Variants in ARMC2 observed in about 807,000 individuals in gnomAD.
The protein encoded by ARMC2 is armadillo repeat-containing protein 2.
In ARMC2, 67 loss-of-function variants were observed where a neutral mutation model predicts 90.3. The observed-to-expected ratio is 0.74, with a 90% CI of 0.61 to 0.91. The LOEUF (loss-of-function observed/expected upper bound fraction) is 0.91. Ranked by LOEUF, ARMC2 falls within the 40% of genes least tolerant of loss-of-function variation. The pLI is 0.00. For synonymous variants in ARMC2, 393 were observed against 393.0 expected, an observed-to-expected ratio of 1.00 and a Z score of 0.00; for missense variants, 920 against 1,030.9, an observed-to-expected ratio of 0.89 and a Z score of 1.47.
chr6:108,936,730 GCA>G (rs1775987647), intron 11 of ARMC2, among the ~76,000 whole-genome samples, 168 bp from the exon 12 acceptor site: 1 of 151,758 alleles, frequency 6.6e-6, no homozygotes, highest in Non-Finnish European at 1.5e-5. Context: ...AGAGTGTAGA[GCA>G]GGAAGCCTCC....
intron 7 of ARMC2, among the ~76,000 whole-genome samples, chr6:108,902,449 G>A (rs1162704724): frequency 6.6e-6 from 1 of 152,164 alleles, no homozygotes; most frequent in African/African-American, 2.4e-5. Flanking sequence ...CCCAGAGCCT[G>A]GACTTAGGGT....
chr6:108,986,950 A>C, the ARMC2 span: 1 of 152,640 alleles, frequency 6.6e-6, no homozygotes, highest in Non-Finnish European at 1.5e-5. Context: ...TACCATCAAA[A>C]TGGTTGTTGC....
At chr6:108,916,679 G>A (rs973843191) in intron 10 of ARMC2, among the ~76,000 whole-genome samples, 1 of 152,174 alleles carries the variant, frequency 6.6e-6, no homozygotes, top group Non-Finnish European at 1.5e-5. Flanking sequence ...CAAGGAGGTG[G>A]CACAGATGGA....
chr6:108,933,089 T>TTC (rs1333950898), intron 11 of ARMC2, among the ~76,000 whole-genome samples: 1 of 152,052 alleles, frequency 6.6e-6, no homozygotes, highest in East Asian at 1.9e-4. Context: ...TTTTTTTTTT[T>TTC]CTAGTTCTGT....
chr6:108,902,344 A>G (rs1285052867), intron 7 of ARMC2, among the ~76,000 whole-genome samples: 1 of 152,184 alleles, frequency 6.6e-6, no homozygotes, highest in Non-Finnish European at 1.5e-5. Flanking sequence ...TTAAAGCTAA[A>G]AACAAGTATT....
chr6:108,935,738 T>C lies in ARMC2; in HGVS notation c.1497-1162T>C, dbSNP rs147548446. 4.1e-3 allele frequency among the ~76,000 whole-genome samples: 617 copies of C among 152,328 alleles called. 2 individuals carry two copies. The highest frequency in any genetic ancestry group is 0.014 in the African/African-American group (578 of 41,582). ...GGTTACAGGCGTGAGCCACTGTGCCTGGCCCATCCTACAAGTTTTGATTTG... is the reference window on the plus strand; with the variant it reads ...GGTTACAGGCGTGAGCCACTGTGCCCGGCCCATCCTACAAGTTTTGATTTG... On this transcript the variant is annotated intron_variant, in intron 11 of 17. Coordinates refer to ENST00000392644, the MANE Select transcript of ARMC2 (RefSeq NM_032131.6).
At position 108,890,189 on chromosome 6, in the gene ARMC2, C is replaced by CAAAAAAAAAAAA. The variant is rs869186045; in HGVS notation, c.672-4249_672-4238dup. Among the ~76,000 whole-genome samples the CAAAAAAAAAAAA allele has an allele frequency of 9.2e-4, 59 of 64,236 alleles. 3 individuals are homozygous for CAAAAAAAAAAAA. The highest frequency in any genetic ancestry group is 1.2e-3 in the Non-Finnish European group (47 of 38,996). 42.1% of individuals were successfully genotyped at this position (64,236 alleles called of 152,430 possible). Reference sequence around the variant, plus strand: ...TGGGTGACAGAGCGAGACTCCGTCTCAAAAAAAAAAAAAAAAAAAAAAAAA... The same window carrying CAAAAAAAAAAAA: ...TGGGTGACAGAGCGAGACTCCGTCTCAAAAAAAAAAAAAAAAAAAAAAAAAAAAAAAAAAAAA... On this transcript the variant is annotated intron_variant, in intron 5 of 17. Transcript: ENST00000392644.
chr6:108,863,759 T>G (rs903574769), intron 3 of ARMC2, among the ~76,000 whole-genome samples: 7 of 152,168 alleles, frequency 4.6e-5, no homozygotes, highest in African/African-American at 1.7e-4. Context: ...ACAGAAGAAT[T>G]CAGCTTGATA....
the ARMC2 span, among the ~76,000 whole-genome samples, chr6:109,030,279 G>T: frequency 1.3e-5 from 2 of 152,186 alleles, no homozygotes; most frequent in Non-Finnish European, 2.9e-5. Context: ...AGAATAAAAA[G>T]AATGGATCTA....
intron 7 of ARMC2, among the ~76,000 whole-genome samples, chr6:108,900,615 T>C (rs1772036763): frequency 1.3e-5 from 2 of 152,228 alleles, no homozygotes; most frequent in East Asian, 3.9e-4. Flanking sequence ...CAAACAGAGA[T>C]GTGCTGCAAA....
At chr6:108,939,420 G>GGTA (rs1328076949) in intron 12 of ARMC2, among the ~76,000 whole-genome samples, 1 of 152,074 alleles carries the variant, frequency 6.6e-6, no homozygotes, top group African/African-American at 2.4e-5. Context: ...CTGTTCTCGT[G>GGTA]GTAGTGAGTG....
chr6:108,992,992 C>A, the ARMC2 span: 3 of 756,962 alleles, frequency 4.0e-6, no homozygotes, highest in Non-Finnish European at 6.8e-6. Context: ...AACTCTTTCT[C>A]TGATACTGAG....
intron 3 of ARMC2, among the ~76,000 whole-genome samples, chr6:108,862,411 C>T (rs547752016): frequency 6.6e-6 from 1 of 151,666 alleles, no homozygotes; most frequent in African/African-American, 2.4e-5. Flanking sequence ...TAAGAAGTTC[C>T]CATTTTAAGG....
intron 12 of ARMC2, among the ~76,000 whole-genome samples, chr6:108,952,499 G>A (rs536331869): frequency 6.0e-5 from 9 of 149,292 alleles, no homozygotes; most frequent in African/African-American, 2.2e-4. Flanking sequence ...CTGGAGAGGT[G>A]TTGTCATCTA....
chr6:108,990,552 T>C, the ARMC2 span: 1 of 1,116,486 alleles, frequency 9.0e-7, no homozygotes, highest in Non-Finnish European at 1.3e-6. Context: ...GGGTTTTGAT[T>C]ATGTGTGTGT....
the ARMC2 span, among the ~76,000 whole-genome samples, chr6:109,026,558 G>A: frequency 3.9e-5 from 6 of 151,914 alleles, no homozygotes; most frequent in East Asian, 3.9e-4. Flanking sequence ...GTGCAGTGGC[G>A]CAATCTCGGC....
At chr6:109,014,828 C>T in the ARMC2 span, among the ~76,000 whole-genome samples, 2 of 152,102 alleles carry the variant, frequency 1.3e-5, no homozygotes, top group Non-Finnish European at 2.9e-5. Context: ...ACATGACCCC[C>T]GTTTCTCAAA....
chr6:109,016,488 G>A, the ARMC2 span, among the ~76,000 whole-genome samples: 1 of 152,106 alleles, frequency 6.6e-6, no homozygotes, highest in Non-Finnish European at 1.5e-5. Context: ...AGGGTATTAA[G>A]TTGTAGATTC....
chr6:109,046,964 C>T, the ARMC2 span, among the ~76,000 whole-genome samples: 28 of 108,482 alleles, frequency 2.6e-4, 1 homozygote, highest in Non-Finnish European at 4.3e-4. Flanking sequence ...CGTCTCCACC[C>T]GGCAGCCACC....
Sources: gnomAD v4.1 joint callset for allele counts (sites outside exome capture counted in the v4.1 genomes callset) on GRCh38, gnomAD v4.1.1 for gene constraint, MANE v1.5 for transcripts, NCBI Gene and HGNC (gene_info 2026-07-23, HGNC 2026-07-21) for gene names.